Variants in ANK1 observed in about 807,000 individuals in gnomAD.
ANK1 encodes ankyrin 1, also known as ankyrin-1.
Under a neutral mutation model 210.4 loss-of-function variants are expected in ANK1, and 51 were observed. The observed-to-expected ratio is 0.24, with a 90% CI of 0.19 to 0.31. The LOEUF (loss-of-function observed/expected upper bound fraction) is 0.31, where lower values mean the gene tolerates loss of function less well. Among genes scored for constraint, ANK1 ranks in the 10% least tolerant of loss-of-function variants. The pLI is 1.00. For missense variants in ANK1, 2,051 were observed against 2,504.4 expected (o/e 0.82, Z 3.86); for synonymous variants, 967 against 1,025.9 (o/e 0.94, Z 1.10).
intron 1 of ANK1, among the ~76,000 whole-genome samples, chr8:41,761,190 C>T (rs374366160): frequency 4.2e-3 from 435 of 103,688 alleles, no homozygotes; most frequent in African/African-American, 0.011. Flanking sequence ...CAGATGCATG[C>T]GCACACACAC....
intron 2 of ANK1, among the ~76,000 whole-genome samples, chr8:41,752,090 A>G (rs1424913382): frequency 1.3e-5 from 2 of 152,048 alleles, no homozygotes; most frequent in African/African-American, 4.8e-5. Context: ...TACTTCTTCC[A>G]GACCTCTTGA....
intron 1 of ANK1, among the ~76,000 whole-genome samples, chr8:41,895,527 G>A (rs1448330090): frequency 6.6e-6 from 1 of 152,136 alleles, no homozygotes; most frequent in African/African-American, 2.4e-5. Context: ...AGTTGCCCCT[G>A]GAGGTCTGGG....
At chr8:41,775,602 G>A (rs1843852961) in intron 1 of ANK1, among the ~76,000 whole-genome samples, 1 of 152,234 alleles carries the variant, frequency 6.6e-6, no homozygotes, top group Non-Finnish European at 1.5e-5. Flanking sequence ...ACAGTTAGCA[G>A]GGCATGGTGG....
At chr8:41,727,777 T>G in intron 4 of ANK1, 131 bp downstream of exon 4, 5 of 834,180 alleles carry the variant, frequency 6.0e-6, no homozygotes, top group Non-Finnish European at 1.0e-5. Context: ...GACATGCTCC[T>G]GAGAAATCTA....
At chr8:41,670,482 C>T (rs1173365195) in intron 38 of ANK1, among the ~76,000 whole-genome samples, 4 of 152,104 alleles carry the variant, frequency 2.6e-5, no homozygotes, top group Non-Finnish European at 4.4e-5. Flanking sequence ...AAGGAATGGC[C>T]GTCCCAGGAA....
chr8:41,675,895 C>T (rs541793575), intron 37 of ANK1, among the ~76,000 whole-genome samples: 2 of 152,302 alleles, frequency 1.3e-5, no homozygotes, highest in African/African-American at 4.8e-5. Context: ...AGCCTGGCTT[C>T]TTTCACTCAA....
At chr8:41,741,396 C>T (rs1186509483) in intron 2 of ANK1, among the ~76,000 whole-genome samples, 1 of 152,106 alleles carries the variant, frequency 6.6e-6, no homozygotes, top group African/African-American at 2.4e-5. Context: ...GTTCCAGACA[C>T]ACTGGCCCAC....
At chr8:41,861,813 C>T (rs1282438043) in intron 1 of ANK1, among the ~76,000 whole-genome samples, 2 of 152,234 alleles carry the variant, frequency 1.3e-5, no homozygotes, top group African/African-American at 2.4e-5. Flanking sequence ...CGCACCCCTG[C>T]GTTCCTTGCT....
rs150975400 is a variant in ANK1 at position 41,661,508 on chromosome 8, C to T, written c.5601G>A (p.Ala1867=). 1.9e-4 allele frequency: 309 copies of T among 1,614,062 alleles called. No individual in the cohort carries two copies. Among genetic ancestry groups the T allele is most frequent in the Middle Eastern group, 1.2e-3 (7 of 6,062 alleles). Residue 1867 remains alanine, a synonymous_variant, in exon 42 of 43, where the codon GCG becomes GCA. Coordinates refer to ENST00000289734, the MANE Select transcript of ANK1 (RefSeq NM_000037.4). ...QPDLIEGRKG[A]QIVKRASLKR... is the part of the protein sequence containing the mutation. ...TCAGGCTGGCCCGCTTCACTATCTG[C>T]GCCCCCTTCCTGCCCTCTATCAGGT...
intron 1 of ANK1, among the ~76,000 whole-genome samples, chr8:41,869,091 C>T (rs1003123879): frequency 2.0e-5 from 3 of 152,172 alleles, no homozygotes; most frequent in Non-Finnish European, 4.4e-5. Flanking sequence ...GTCTTCTTCT[C>T]TAGGTGACTC....
intron 41 of ANK1, 94 bp from the exon 42 acceptor site, chr8:41,661,658 G>A (rs1480006478): frequency 2.5e-6 from 4 of 1,602,068 alleles, no homozygotes; most frequent in South Asian, 2.2e-5. Flanking sequence ...GGAGGTGGCA[G>A]ACACACTGCC....
intron 1 of ANK1, 56 bp from the exon 2 acceptor site, chr8:41,758,193 C>A (rs754379031): frequency 2.0e-6 from 3 of 1,516,584 alleles, no homozygotes; most frequent in African/African-American, 1.4e-5. Flanking sequence ...GACTTCTCCA[C>A]CCCGTTCAAG....
chr8:41,886,264 C>A (rs1442252228), intron 1 of ANK1, among the ~76,000 whole-genome samples: 1 of 152,188 alleles, frequency 6.6e-6, no homozygotes, highest in African/African-American at 2.4e-5. Context: ...CATTGTCCTG[C>A]CATTTACCAA....
intron 1 of ANK1, among the ~76,000 whole-genome samples, chr8:41,861,586 T>C (rs939824695): frequency 3.9e-5 from 6 of 152,354 alleles, no homozygotes; most frequent in Admixed American, 2.0e-4. Context: ...GATTCAGTGG[T>C]GAGTGCTCAC....
At chr8:41,656,974 G>A (rs1805948043) in intron 42 of ANK1, among the ~76,000 whole-genome samples, 1 of 152,152 alleles carries the variant, frequency 6.6e-6, no homozygotes, top group Non-Finnish European at 1.5e-5. Flanking sequence ...CATCGGCCAA[G>A]TCTGACTGTC....
chr8:41,716,758 C>G (rs184118636), intron 13 of ANK1, among the ~76,000 whole-genome samples, 195 bp downstream of exon 13: 3 of 152,190 alleles, frequency 2.0e-5, no homozygotes, highest in African/African-American at 7.2e-5. Flanking sequence ...AAATGTGGCT[C>G]TCATGCAGAA....
chr8:41,794,926 G>A (rs905670847), intron 1 of ANK1, among the ~76,000 whole-genome samples: 2 of 151,950 alleles, frequency 1.3e-5, no homozygotes, highest in Non-Finnish European at 2.9e-5. Context: ...GGCTGGCCTC[G>A]AACTCCTGAC....
rs752787611 is a variant in ANK1 at position 41,715,051 on chromosome 8, C to T, written c.1626G>A (p.Val542=). The T allele has an allele frequency of 1.9e-6, 3 of 1,614,186 alleles. No individual in the cohort carries two copies. Among genetic ancestry groups the T allele is most frequent in the Non-Finnish European group, 2.5e-6 (3 of 1,180,028 alleles). Residue 542 remains valine (V), a synonymous_variant, in exon 15 of 43, where the codon GTG becomes GTA. Coordinates refer to ENST00000289734, the MANE Select transcript of ANK1 (RefSeq NM_000037.4). ...MTKKGFTPLH[V]AAKYGKVRVA... ...CCCGCACCTTCCCGTACTTGGCCGCCACGTGCAGAGGGGTAAATCCTTTCT... is the reference window on the plus strand; with the variant it reads ...CCCGCACCTTCCCGTACTTGGCCGCTACGTGCAGAGGGGTAAATCCTTTCT...
At chr8:41,690,776 T>A (rs1205715902) in intron 31 of ANK1, among the ~76,000 whole-genome samples, 177 bp from the exon 32 acceptor site, 1 of 152,236 alleles carries the variant, frequency 6.6e-6, no homozygotes, top group Non-Finnish European at 1.5e-5. Flanking sequence ...AAAATTGTGA[T>A]CAATGAGGCA....
Sources: allele counts gnomAD v4.1 joint callset (sites outside exome capture counted in the v4.1 genomes callset), GRCh38; gene constraint gnomAD v4.1.1; transcripts MANE v1.5; gene names NCBI Gene and HGNC (gene_info 2026-07-23, HGNC 2026-07-21).